The following TNFRSF21 variants were observed in gnomAD, a reference collection of about 807,000 sequenced individuals.
TNFRSF21 encodes tumor necrosis factor receptor superfamily member 21.
In TNFRSF21, 19 loss-of-function variants were observed where a neutral mutation model predicts 45.6. The ratio of observed to expected loss-of-function variants is 0.42; its 90% CI spans 0.29 to 0.61. The LOEUF (loss-of-function observed/expected upper bound fraction) is 0.61. Ranked by LOEUF, TNFRSF21 falls within the 20% of genes least tolerant of loss-of-function variation. The pLI, the probability that TNFRSF21 is intolerant of heterozygous loss-of-function variation, is 0.23. For synonymous variants in TNFRSF21, 314 were observed against 335.5 expected (o/e 0.94, Z 0.70); for missense variants, 737 against 851.5 (o/e 0.87, Z 1.67).
chr6:47,299,285 G>A (rs956310784), intron 1 of TNFRSF21, among the ~76,000 whole-genome samples: 2 of 152,152 alleles, frequency 1.3e-5, no homozygotes, highest in Non-Finnish European at 2.9e-5. Flanking sequence ...GAGGTCAGGA[G>A]TTTGAGACCA....
chr6:47,273,250 A>G (rs1217670832), intron 3 of TNFRSF21, among the ~76,000 whole-genome samples: 2 of 152,230 alleles, frequency 1.3e-5, no homozygotes, highest in East Asian at 3.8e-4. Context: ...ATGAACATCA[A>G]TGGGAAAATC....
rs182171986 is a variant in TNFRSF21, at chr6:47,234,542, C to T, written c.1738+128G>A. The T allele has an allele frequency of 1.7e-3, 1,333 of 786,150 alleles. 5 individuals carry two copies. Among genetic ancestry groups the T allele is most frequent in the Admixed American group, 2.7e-3 (101 of 37,576 alleles). 48.7% of individuals were successfully genotyped at this position (786,150 alleles called of 1,614,324 possible). The stretch of plus-strand genomic sequence containing the variant: ...GCGTATCTTGAAGTTTTGGACTGGT[C>T]TTCCTGGGCAGGTAATTCAGATGAC... On this transcript the variant is annotated intron_variant, in intron 5 of 5. Coordinates refer to ENST00000296861, the MANE Select transcript of TNFRSF21 (RefSeq NM_014452.5).
chr6:47,269,255 A>T (rs1210214261), intron 3 of TNFRSF21, among the ~76,000 whole-genome samples: 3 of 151,988 alleles, frequency 2.0e-5, no homozygotes, highest in Non-Finnish European at 4.4e-5. Flanking sequence ...ACACACACAC[A>T]CATACACACA....
At position 47,232,731 on chromosome 6, in the gene TNFRSF21, TTGAG is replaced by T; in HGVS notation, c.*30_*33del. 6.3e-7 allele frequency: 1 copy of T among 1,593,176 alleles called. No individual in the cohort carries two copies. The highest frequency in any genetic ancestry group is 8.6e-7 in the Non-Finnish European group (1 of 1,165,614). ...ATTAAAAAACCACCCTGCCACTAAA[TTGAG>T]TAATTTCCAGAATGCAGTATCCCTA... is the stretch of plus-strand genomic sequence containing the variant. On this transcript the variant is annotated 3_prime_UTR_variant, in exon 6 of 6. Coordinates refer to ENST00000296861, the MANE Select transcript of TNFRSF21 (RefSeq NM_014452.5).
chr6:47,265,666 T>A (rs532503952), intron 3 of TNFRSF21, among the ~76,000 whole-genome samples: 1 of 152,306 alleles, frequency 6.6e-6, no homozygotes, highest in East Asian at 1.9e-4. Context: ...GAACAGGACA[T>A]GGCACTCAGG....
chr6:47,272,350 G>T lies in TNFRSF21; in HGVS notation c.1243+11588C>A, dbSNP rs1762434710. On this transcript the variant is annotated intron_variant, in intron 3 of 5. Coordinates refer to ENST00000296861, the MANE Select transcript of TNFRSF21 (RefSeq NM_014452.5). ...ACAGTGCAATTAAATTAGAACTCAG[G>T]ATTAAGAAACTCACTCAAAACCACA... is the stretch of plus-strand genomic sequence containing the variant. Among the ~76,000 whole-genome samples the T allele has an allele frequency of 2.0e-5, 3 of 152,142 alleles. No individual in the cohort carries two copies. In the South Asian group the frequency reaches 6.2e-4, roughly 31 times the overall value.
intron 4 of TNFRSF21, among the ~76,000 whole-genome samples, chr6:47,243,322 C>T (rs573641533): frequency 3.3e-5 from 5 of 152,144 alleles, no homozygotes; most frequent in African/African-American, 1.2e-4. Context: ...ATGTTCTCCA[C>T]CCCCCTTATT....
chr6:47,245,229 T>A (rs567621077), intron 4 of TNFRSF21, among the ~76,000 whole-genome samples: 1 of 152,286 alleles, frequency 6.6e-6, no homozygotes, highest in African/African-American at 2.4e-5. Flanking sequence ...GAATATATTC[T>A]CAAGTCTGGC....
At chr6:47,277,621 G>T (rs1762516544) in intron 3 of TNFRSF21, among the ~76,000 whole-genome samples, 1 of 152,174 alleles carries the variant, frequency 6.6e-6, no homozygotes, top group Non-Finnish European at 1.5e-5. Flanking sequence ...TAAGTAACTT[G>T]CCCTGGCTCA....
intron 3 of TNFRSF21, among the ~76,000 whole-genome samples, chr6:47,262,285 T>C (rs1765084854): frequency 6.6e-6 from 1 of 152,240 alleles, no homozygotes; most frequent in Non-Finnish European, 1.5e-5. Flanking sequence ...GGATAATCTT[T>C]TATTTCATTC....
intron 3 of TNFRSF21, among the ~76,000 whole-genome samples, chr6:47,256,772 T>A (rs1400330048): frequency 6.6e-6 from 1 of 152,218 alleles, no homozygotes; most frequent in Non-Finnish European, 1.5e-5. Flanking sequence ...ATTGATGTGG[T>A]AGACTCTTCC....
At chr6:47,271,296 T>C (rs1762415226) in intron 3 of TNFRSF21, among the ~76,000 whole-genome samples, 1 of 152,204 alleles carries the variant, frequency 6.6e-6, no homozygotes, top group Non-Finnish European at 1.5e-5. Context: ...GGGAAGCCCA[T>C]CAGACTAACA....
chr6:47,251,573 A>G (rs1195666232), intron 4 of TNFRSF21, among the ~76,000 whole-genome samples: 1 of 152,194 alleles, frequency 6.6e-6, no homozygotes, highest in African/African-American at 2.4e-5. Flanking sequence ...GGGTTAACCA[A>G]ATCCTAACCT....
intron 1 of TNFRSF21, among the ~76,000 whole-genome samples, chr6:47,305,102 T>TA (rs1366632194): frequency 6.6e-6 from 1 of 152,218 alleles, no homozygotes; most frequent in African/African-American, 2.4e-5. Flanking sequence ...ACATCAATCA[T>TA]ATTTTGTGTA....
At chr6:47,269,238 CAA>C (rs1202784588) in intron 3 of TNFRSF21, among the ~76,000 whole-genome samples, 1 of 151,260 alleles carries the variant, frequency 6.6e-6, no homozygotes, top group African/African-American at 2.5e-5. Context: ...CACACACACA[CAA>C]ACACACACAC....
chr6:47,259,368 C>T (rs1765036493), intron 3 of TNFRSF21, among the ~76,000 whole-genome samples: 1 of 133,374 alleles, frequency 7.5e-6, no homozygotes, highest in East Asian at 2.4e-4. Flanking sequence ...CAGAACATCA[C>T]ATTGCCTTTT....
At chr6:47,233,485 T>A (rs1422538911) in intron 5 of TNFRSF21, among the ~76,000 whole-genome samples, 2 of 152,218 alleles carry the variant, frequency 1.3e-5, no homozygotes, top group African/African-American at 4.8e-5. Flanking sequence ...TCTACTTATG[T>A]GACTTTCTGA....
At position 47,255,681 on chromosome 6, in the gene TNFRSF21, T is replaced by G. The variant is rs183087798; in HGVS notation, c.1244-2160A>C. On this transcript the variant is annotated intron_variant, in intron 3 of 5. Coordinates refer to ENST00000296861, the MANE Select transcript of TNFRSF21 (RefSeq NM_014452.5). ...TTCATCAGTGTTGGCCAGGCTGGTC[T>G]CAAACTCCTGACCTCAGGTGATCTG... is the stretch of plus-strand genomic sequence containing the variant. 6.1e-4 allele frequency among the ~76,000 whole-genome samples: 93 copies of G among 152,298 alleles called. 1 individual carries two copies. In the East Asian group the frequency reaches 0.012, roughly 20 times the overall value.
intron 3 of TNFRSF21, among the ~76,000 whole-genome samples, chr6:47,281,435 C>T (rs1762565902): frequency 6.6e-6 from 1 of 150,858 alleles, no homozygotes; most frequent in African/African-American, 2.4e-5. Context: ...GGCCGGAGTG[C>T]AGCGGCACGA....
Sources: allele counts gnomAD v4.1 joint callset (sites outside exome capture counted in the v4.1 genomes callset), GRCh38; gene constraint gnomAD v4.1.1; transcripts MANE v1.5; gene names NCBI Gene and HGNC (gene_info 2026-07-23, HGNC 2026-07-21).